Variants in SDK1 observed in about 807,000 individuals in gnomAD.
SDK1 encodes protein sidekick-1.
SDK1 carries 157 observed loss-of-function variants against 245.5 expected under a neutral mutation model. The observed-to-expected ratio is 0.64, with a 90% CI of 0.56 to 0.73. SDK1 has a LOEUF of 0.73. Among genes scored for constraint, SDK1 ranks in the 30% least tolerant of loss-of-function variants. The pLI is 0.00. For missense variants in SDK1, 3,583 were observed against 3,002.3 expected (o/e 1.19, Z -4.52); for synonymous variants, 1,647 against 1,278.5 (o/e 1.29, Z -6.15).
chr7:3,720,241 G>A (rs1349683526), intron 4 of SDK1, among the ~76,000 whole-genome samples: 1 of 152,050 alleles, frequency 6.6e-6, no homozygotes, highest in Non-Finnish European at 1.5e-5. Context: ...GGGCGACAGA[G>A]CGAGACTCTG....
rs1163275778 is a variant in SDK1 at position 3,346,827 on chromosome 7, AT to A, written c.298+44967del. On this transcript the variant is annotated intron_variant, in intron 1 of 44. Coordinates refer to ENST00000404826, the MANE Select transcript of SDK1 (RefSeq NM_152744.4). Reference sequence around the variant, plus strand: ...TGTGTGTATATATATATATATATATATTTTTTTTTTTTTTTTTTTTTTTTGG... The same window carrying A: ...TGTGTGTATATATATATATATATATATTTTTTTTTTTTTTTTTTTTTTTGG... Among the ~76,000 whole-genome samples the A allele has an allele frequency of 6.8e-3, 112 of 16,394 alleles. 1 individual carries two copies. The highest frequency in any genetic ancestry group is 0.014 in the South Asian group (4 of 292). The allele number at this position is 16,394 out of a possible 152,430, so 10.8% of individuals were successfully genotyped here. A position where few individuals can be genotyped will look rare whatever the true frequency, so the allele number is the denominator to read the frequency against.
At chr7:3,460,886 G>C (rs753746920) in intron 1 of SDK1, among the ~76,000 whole-genome samples, 53 of 152,124 alleles carry the variant, frequency 3.5e-4, no homozygotes, top group Non-Finnish European at 5.9e-4. Context: ...ATAAGTCTTA[G>C]ACTAGATTCT....
At chr7:3,851,137 A>AT (rs899366684) in intron 5 of SDK1, among the ~76,000 whole-genome samples, 1 of 152,234 alleles carries the variant, frequency 6.6e-6, no homozygotes, top group Non-Finnish European at 1.5e-5. Context: ...ACGTGTTGGC[A>AT]TTTTCACTTG....
At chr7:3,410,038 G>A (rs1779158177) in intron 1 of SDK1, among the ~76,000 whole-genome samples, 1 of 152,038 alleles carries the variant, frequency 6.6e-6, no homozygotes, top group South Asian at 2.1e-4. Context: ...TTAATAGTAG[G>A]ATTCTTGTGA....
chr7:4,137,360 C>T (rs979554425), intron 28 of SDK1, among the ~76,000 whole-genome samples: 8 of 152,168 alleles, frequency 5.3e-5, no homozygotes, highest in Admixed American at 1.3e-4. Context: ...TATAGCTGTG[C>T]GGCGTCAGTC....
chr7:4,247,875 C>T (rs1266606735), intron 44 of SDK1, among the ~76,000 whole-genome samples: 1 of 152,114 alleles, frequency 6.6e-6, no homozygotes, highest in African/African-American at 2.4e-5. Context: ...CTCAGTGTAC[C>T]CCTTCCCTCC....
intron 1 of SDK1, among the ~76,000 whole-genome samples, chr7:3,426,641 T>C (rs1032311227): frequency 3.9e-5 from 6 of 152,218 alleles, no homozygotes; most frequent in Admixed American, 6.5e-5. Context: ...CTGTCTCCAG[T>C]TAGTCACCAC....
At chr7:3,912,537 T>C (rs929430863) in intron 5 of SDK1, among the ~76,000 whole-genome samples, 1 of 152,202 alleles carries the variant, frequency 6.6e-6, no homozygotes, top group African/African-American at 2.4e-5. Context: ...GAAGAGGTAC[T>C]GATTGCTCAA....
At chr7:3,497,062 C>G (rs187837424) in intron 1 of SDK1, among the ~76,000 whole-genome samples, 17 of 152,246 alleles carry the variant, frequency 1.1e-4, no homozygotes, top group African/African-American at 3.6e-4. Flanking sequence ...AAATACGTGA[C>G]AGTTAAAATT....
intron 1 of SDK1, among the ~76,000 whole-genome samples, chr7:3,585,209 GT>G (rs1038946738): frequency 2.6e-5 from 4 of 152,220 alleles, no homozygotes; most frequent in African/African-American, 9.7e-5. Context: ...AGAGACGGGT[GT>G]TTCACAGACT....
At chr7:3,339,027 G>T (rs976721908) in intron 1 of SDK1, among the ~76,000 whole-genome samples, 2 of 152,140 alleles carry the variant, frequency 1.3e-5, no homozygotes. Context: ...TGGCACAGTG[G>T]TTAAGAAAAC....
intron 4 of SDK1, among the ~76,000 whole-genome samples, chr7:3,662,544 T>G (rs1783398902): frequency 6.6e-6 from 1 of 152,032 alleles, no homozygotes; most frequent in Admixed American, 6.6e-5. Context: ...TTCCTGGAGG[T>G]CCAGAGAGAA....
At chr7:3,949,304 C>T (rs755263674) in intron 5 of SDK1, among the ~76,000 whole-genome samples, 1 of 152,210 alleles carries the variant, frequency 6.6e-6, no homozygotes, top group Non-Finnish European at 1.5e-5. Flanking sequence ...CATCAGGCTT[C>T]TGTTTTTCTT....
intron 4 of SDK1, among the ~76,000 whole-genome samples, chr7:3,792,846 A>G (rs1040140984): frequency 1.3e-5 from 2 of 152,196 alleles, no homozygotes; most frequent in Non-Finnish European, 1.5e-5. Context: ...CATCAGGACC[A>G]TTGATGGTTC....
At position 4,127,433 on chromosome 7, in the gene SDK1, G is replaced by C; in HGVS notation, c.3876G>C (p.Gln1292His). 1 of 1,614,200 alleles carries C rather than the reference G, an allele frequency of 6.2e-7. No individual in the cohort carries two copies. Among genetic ancestry groups the C allele is most frequent in the Non-Finnish European group, 8.5e-7 (1 of 1,180,032 alleles). Reference sequence around the variant, plus strand: ...CAGCCGAGGCTGTCAGCTCGACCCAGATTTTACTGACATGGACATCCGTGC... The same window carrying C: ...CAGCCGAGGCTGTCAGCTCGACCCACATTTTACTGACATGGACATCCGTGC... ...NVSAEAVSST[Q>H]ILLTWTSVPE... is the part of the protein sequence containing the mutation. Residue 1292 changes from glutamine (Q) to histidine (H), a missense_variant, in exon 26 of 45, where the codon CAG (glutamine) becomes CAC (histidine). By Grantham distance (24) the Gln-to-His change is conservative (BLOSUM62 0). Coordinates refer to ENST00000404826, the MANE Select transcript of SDK1 (RefSeq NM_152744.4).
intron 4 of SDK1, among the ~76,000 whole-genome samples, chr7:3,756,372 A>C (rs900676334): frequency 6.6e-5 from 10 of 150,444 alleles, no homozygotes; most frequent in African/African-American, 2.5e-4. Flanking sequence ...GACTCCTTTC[A>C]CATGGCATAG....
At chr7:4,217,579 C>T (rs1211908373) in intron 38 of SDK1, among the ~76,000 whole-genome samples, 1 of 148,336 alleles carries the variant, frequency 6.7e-6, no homozygotes, top group East Asian at 2.0e-4. Context: ...CCCGGAGCAC[C>T]ACGCCACCCG....
intron 34 of SDK1, 51 bp from the exon 35 acceptor site, chr7:4,178,434 A>G: frequency 7.4e-7 from 1 of 1,356,476 alleles, no homozygotes. Context: ...CTTTGGAGAA[A>G]GAGAAGGTGG....
chr7:3,997,844 C>T (rs1348215313), intron 14 of SDK1, among the ~76,000 whole-genome samples: 1 of 152,186 alleles, frequency 6.6e-6, no homozygotes, highest in Admixed American at 6.5e-5. Flanking sequence ...AGTCTGTCTG[C>T]CTCCTGCTGC....
Sources: allele counts gnomAD v4.1 joint callset (sites outside exome capture counted in the v4.1 genomes callset), GRCh38; gene constraint gnomAD v4.1.1; transcripts MANE v1.5; gene names NCBI Gene and HGNC (gene_info 2026-07-23, HGNC 2026-07-21).